FAM83B: variants seen among roughly 807,000 people sequenced by gnomAD.
The protein encoded by FAM83B is protein FAM83B.
FAM83B carries 26 observed loss-of-function variants against 38.8 expected under a neutral mutation model. The observed-to-expected ratio is 0.67, with a 90% CI of 0.49 to 0.93. The LOEUF (loss-of-function observed/expected upper bound fraction) is 0.93, where lower values mean the gene tolerates loss of function less well. FAM83B is among the 40% of genes least tolerant of loss of function. FAM83B has a pLI of 0.00. For synonymous variants in FAM83B, 419 were observed against 423.1 expected (o/e 0.99, Z 0.12); for missense variants, 1,237 against 1,197.3 (o/e 1.03, Z -0.49).
chr6:54,933,021 T>A lies in FAM83B; in HGVS notation c.734+5389T>A, dbSNP rs1036738854. 4.6e-5 allele frequency among the ~76,000 whole-genome samples: 7 copies of A among 152,198 alleles called. No individual in the cohort carries two copies. In the East Asian group the frequency reaches 7.7e-4, roughly 17 times the overall value. On this transcript the variant is annotated intron_variant, in intron 4 of 4. Transcript: ENST00000306858. ...TCAGACTTGGGAAGTTTTTGTCCAC[T>A]ATTTCTTCAAATAAGTTATCTGCTT... is the stretch of plus-strand genomic sequence containing the variant.
rs367914924 is a variant in FAM83B, at chr6:54,941,960, C to T, written c.2989C>T (p.Arg997Ter). Residue 997 changes from arginine (R) to a stop codon, truncating the protein, a stop_gained, in exon 5 of 5, where the codon CGA becomes TGA. Transcript: ENST00000306858. LOFTEE classifies it high-confidence loss of function. ...ATATCAACCCAATGAGAACAAGTTT[C>T]GAGGATTTATGCAAAAGTTTGGAAA... Reference protein sequence around the residue: ...RSYQPNENKFRGFMQKFGNFI... With the variant: ...RSYQPNENKF 2.1e-5 allele frequency: 34 copies of T among 1,607,122 alleles called. No homozygotes were observed. Among genetic ancestry groups the T allele is most frequent in the Admixed American group, 1.0e-4 (6 of 58,742 alleles).
intron 1 of FAM83B, among the ~76,000 whole-genome samples, chr6:54,869,211 T>C (rs1771786671): frequency 6.6e-6 from 1 of 152,216 alleles, no homozygotes; most frequent in African/African-American, 2.4e-5. Flanking sequence ...TCTCGTATAC[T>C]CTGTCCAGTC....
rs376946305 is a variant in FAM83B at position 54,939,740 on chromosome 6, A to T, written c.769A>T (p.Met257Leu). 6.2e-7 allele frequency: 1 copy of T among 1,611,610 alleles called. No homozygotes were observed. ...MWSFEKAHLS[M>L]VQIITGQLVE... ...GTCATTTGAGAAAGCTCACCTCAGC[A>T]TGGTTCAGATAATTACAGGACAACT... The change falls in exon 5 of 5, where the codon ATG (methionine) becomes TTG (leucine). Residue 257 changes from methionine (M) to leucine (L), a missense_variant. Met to Leu is a conservative substitution (Grantham distance 15). Coordinates refer to ENST00000306858, the MANE Select transcript of FAM83B (RefSeq NM_001010872.3).
At chr6:54,895,409 T>C (rs1772505232) in intron 2 of FAM83B, among the ~76,000 whole-genome samples, 1 of 152,230 alleles carries the variant, frequency 6.6e-6, no homozygotes, top group Non-Finnish European at 1.5e-5. Context: ...TTTCATAAGA[T>C]ATGTAGTGTC....
At chr6:54,846,237 C>T (rs1222253743), upstream of FAM83B, among the ~76,000 whole-genome samples, 4 of 152,194 alleles carry the variant, frequency 2.6e-5, no homozygotes, top group African/African-American at 9.6e-5. Context: ...TGCGGGATGC[C>T]CACTGGAATT....
intron 2 of FAM83B, among the ~76,000 whole-genome samples, chr6:54,925,570 T>G (rs1373498175): frequency 6.6e-6 from 1 of 152,188 alleles, no homozygotes; most frequent in Non-Finnish European, 1.5e-5. Flanking sequence ...TAATTCACTT[T>G]TTTCTTTTGC....
chr6:54,885,697 C>A (rs1301504842), intron 2 of FAM83B, among the ~76,000 whole-genome samples: 1 of 151,888 alleles, frequency 6.6e-6, no homozygotes, highest in African/African-American at 2.4e-5. Flanking sequence ...AACCATCATT[C>A]TCAGCAAACT....
At chr6:54,916,949 A>G (rs1402389308) in intron 2 of FAM83B, among the ~76,000 whole-genome samples, 4 of 152,128 alleles carry the variant, frequency 2.6e-5, no homozygotes, top group Non-Finnish European at 5.9e-5. Flanking sequence ...ATTTGTTGAC[A>G]TTTAATTCTT....
intron 4 of FAM83B, 107 bp from the exon 5 acceptor site, chr6:54,939,599 C>T: frequency 9.7e-7 from 1 of 1,031,220 alleles, no homozygotes. Flanking sequence ...TAATGATAGC[C>T]AAAGAAAAGT....
At chr6:54,855,161 G>A (rs1771417418) in intron 1 of FAM83B, among the ~76,000 whole-genome samples, 1 of 152,158 alleles carries the variant, frequency 6.6e-6, no homozygotes, top group Non-Finnish European at 1.5e-5. Context: ...TGATATTATT[G>A]AAACTGCATA....
At chr6:54,875,755 G>A (rs1467063919) in intron 2 of FAM83B, among the ~76,000 whole-genome samples, 2 of 144,970 alleles carry the variant, frequency 1.4e-5, no homozygotes, top group Non-Finnish European at 3.1e-5. Flanking sequence ...GAAAGGGAGA[G>A]AAAAGAAGGT....
chr6:54,853,971 G>C (rs1771377471), intron 1 of FAM83B, among the ~76,000 whole-genome samples: 1 of 152,202 alleles, frequency 6.6e-6, no homozygotes. Context: ...CAGTTTGAAA[G>C]AAGTTGATTC....
chr6:54,858,283 TTCCCCCACC>T (rs1387239941), intron 1 of FAM83B, among the ~76,000 whole-genome samples: 2 of 152,292 alleles, frequency 1.3e-5, no homozygotes, highest in East Asian at 3.9e-4. Context: ...TAAAAGTCAT[TTCCCCCACC>T]TATCCGACAT....
In FAM83B at chr6:54,941,168, A is replaced by G. The variant is rs143494830; in HGVS notation, c.2197A>G (p.Thr733Ala). The change falls in exon 5 of 5, where the codon ACT becomes GCT. Residue 733 changes from threonine (T) to alanine (A), a missense_variant. Thr to Ala is a moderately conservative substitution (Grantham distance 58). Coordinates refer to ENST00000306858, the MANE Select transcript of FAM83B (RefSeq NM_001010872.3). ...EVTKRNSPSGTTTKSVSIAAL... is the reference protein window; with the variant it reads ...EVTKRNSPSGATTKSVSIAAL... ...TACCAAGAGAAACTCTCCAAGTGGC[A>G]CTACTACCAAATCAGTTTCCATTGC... 565 of 1,614,082 alleles carry G rather than the reference A, an allele frequency of 3.5e-4. 2 individuals carry two copies. The African/African-American group carries it at 4.8e-3, about 14-fold the overall frequency.
In FAM83B at chr6:54,943,508, T is replaced by C; in HGVS notation, c.*1501T>C. 6.6e-6 allele frequency: 1 copy of C among 152,156 alleles called. No homozygotes were observed. Among genetic ancestry groups the C allele is most frequent in the East Asian group, 1.9e-4 (1 of 5,200 alleles). 9.4% of individuals were successfully genotyped at this position (152,156 alleles called of 1,614,324 possible). On this transcript the variant is annotated 3_prime_UTR_variant, in exon 5 of 5. Transcript: ENST00000306858. The stretch of plus-strand genomic sequence containing the variant: ...TGCTGTGTGGAGCAGTATACTGTTG[T>C]TTTAAAAATGCAAGATTCAGACAAA...
rs548591983 is a variant in FAM83B at position 54,922,026 on chromosome 6, A to G, written c.445-4345A>G. On this transcript the variant is annotated intron_variant, in intron 2 of 4. Coordinates refer to ENST00000306858, the MANE Select transcript of FAM83B (RefSeq NM_001010872.3). ...TGAAAAGCAACCTGGCTTGGTTGAC[A>G]TCAGATAAGCTTGTCAGAGATGTAT... Among the ~76,000 whole-genome samples the G allele has an allele frequency of 2.0e-5, 3 of 152,190 alleles. No individual in the cohort carries two copies. In the East Asian group the frequency reaches 5.8e-4, roughly 29 times the overall value.
At chr6:54,846,515 C>A (rs548972977), upstream of FAM83B, among the ~76,000 whole-genome samples, 1 of 152,344 alleles carries the variant, frequency 6.6e-6, no homozygotes, top group African/African-American at 2.4e-5. Context: ...AAGGCTTTTT[C>A]ATACTCCGCT....
At chr6:54,928,586 G>A (rs1312353654) in intron 4 of FAM83B, among the ~76,000 whole-genome samples, 1 of 152,050 alleles carries the variant, frequency 6.6e-6, no homozygotes, top group African/African-American at 2.4e-5. Flanking sequence ...CATGCTGTTT[G>A]GAGTTCCAAA....
chr6:54,846,575 C>T (rs1771136894), upstream of FAM83B, among the ~76,000 whole-genome samples: 1 of 152,166 alleles, frequency 6.6e-6, no homozygotes, highest in South Asian at 2.1e-4. Flanking sequence ...CGCTTTCTGG[C>T]TGTTCGGGGT....
Sources: gnomAD v4.1 joint callset for allele counts (sites outside exome capture counted in the v4.1 genomes callset) on GRCh38, gnomAD v4.1.1 for gene constraint, MANE v1.5 for transcripts, NCBI Gene and HGNC (gene_info 2026-07-23, HGNC 2026-07-21) for gene names.